ARL13B: variants seen among roughly 807,000 people sequenced by gnomAD.
ARL13B encodes the protein ARF like GTPase 13B.
Under a neutral mutation model 56.1 loss-of-function variants are expected in ARL13B, and 36 were observed. The observed-to-expected ratio is 0.64, with a 90% confidence interval of 0.49 to 0.85. The LOEUF (loss-of-function observed/expected upper bound fraction) is 0.85, where lower values mean the gene tolerates loss of function less well. Among genes scored for constraint, ARL13B ranks in the 40% least tolerant of loss-of-function variants. ARL13B has a pLI of 0.00. For missense variants in ARL13B, 519 were observed against 507.1 expected (o/e 1.02, Z -0.23); for synonymous variants, 178 against 171.1 (o/e 1.04, Z -0.32).
At chr3:94,044,775 G>A (rs1426198186) in intron 7 of ARL13B, among the ~76,000 whole-genome samples, 1 of 148,958 alleles carries the variant, frequency 6.7e-6, no homozygotes, top group Non-Finnish European at 1.5e-5. Context: ...GCCCCGAATG[G>A]GAAGTGAGGA....
At chr3:94,013,879 G>T (rs2076271749) in intron 3 of ARL13B, among the ~76,000 whole-genome samples, 1 of 152,180 alleles carries the variant, frequency 6.6e-6, no homozygotes, top group Non-Finnish European at 1.5e-5. Context: ...ACTGGGAGGT[G>T]GAGATTGCAG....
chr3:94,004,297 G>A (rs2076098657), intron 3 of ARL13B, among the ~76,000 whole-genome samples: 1 of 151,924 alleles, frequency 6.6e-6, no homozygotes, highest in Non-Finnish European at 1.5e-5. Flanking sequence ...TTATTTCAGA[G>A]TTATGTAAAC....
chr3:94,043,162 C>G lies in ARL13B; in HGVS notation c.946C>G (p.Leu316Val). 1 of 1,613,172 alleles carries G rather than the reference C, an allele frequency of 6.2e-7. No individual in the cohort carries two copies. Among genetic ancestry groups the G allele is most frequent in the South Asian group, 1.1e-5 (1 of 90,992 alleles). ...TGGCCAAAAAAATAATGAATTTGGA[C>G]TAGTAGAAAATTATAAGGAGGCATT... ...HNGQKNNEFG[L>V]VENYKEALTQ... The change falls in exon 7 of 10, where the codon CTA becomes GTA. Residue 316 changes from leucine to valine, a missense_variant. Transcript: ENST00000394222.
chr3:94,050,345 G>C (rs1189358575), intron 8 of ARL13B, among the ~76,000 whole-genome samples: 1 of 152,004 alleles, frequency 6.6e-6, no homozygotes, highest in Admixed American at 6.6e-5. Context: ...ATAATTTTGA[G>C]TAACTTTTCA....
At chr3:94,045,307 G>A (rs189668970) in intron 7 of ARL13B, among the ~76,000 whole-genome samples, 144 of 152,148 alleles carry the variant, frequency 9.5e-4, no homozygotes, top group Admixed American at 5.9e-3. Context: ...CAAACACTGC[G>A]GAAGGCTGCA....
At chr3:94,025,403 GTGTT>G (rs1407517453) in intron 3 of ARL13B, among the ~76,000 whole-genome samples, 15 of 152,138 alleles carry the variant, frequency 9.9e-5, no homozygotes, top group African/African-American at 3.6e-4. Context: ...AGGTTATACT[GTGTT>G]TGTCTTGGTT....
At position 94,055,140 on chromosome 3, in the gene ARL13B, G is replaced by A; in HGVS notation, c.*1877G>A. On this transcript the variant is annotated 3_prime_UTR_variant, in exon 10 of 10. Coordinates refer to ENST00000394222, the MANE Select transcript of ARL13B (RefSeq NM_001174150.2). ...TCAAAAATTAATTTTTATTCCTTAA[G>A]CATTTTAAAAACATTTTAAAAAATG... is the stretch of plus-strand genomic sequence containing the variant. 1 of 363,892 alleles carries A rather than the reference G, an allele frequency of 2.7e-6. No homozygotes were observed. The highest frequency in any genetic ancestry group is 5.3e-6 in the Non-Finnish European group (1 of 189,338). The allele number at this position is 363,892 out of a possible 1,614,324, so 22.5% of individuals were successfully genotyped here.
intron 1 of ARL13B, among the ~76,000 whole-genome samples, chr3:93,984,855 A>G (rs951624708): frequency 6.6e-6 from 1 of 152,102 alleles, no homozygotes; most frequent in African/African-American, 2.4e-5. Flanking sequence ...AAAATGTTTT[A>G]AAAAATTAGC....
At chr3:94,045,026 G>T (rs1457541256) in intron 7 of ARL13B, among the ~76,000 whole-genome samples, 1 of 152,206 alleles carries the variant, frequency 6.6e-6, no homozygotes, top group Non-Finnish European at 1.5e-5. Context: ...GTGGGGAAAA[G>T]AAAGAGAGAT....
chr3:94,027,186 T>A (rs2076574931), intron 3 of ARL13B, among the ~76,000 whole-genome samples: 1 of 152,056 alleles, frequency 6.6e-6, no homozygotes. Flanking sequence ...CTTTTGTATA[T>A]GAAGTCAACT....
At chr3:94,012,820 C>T (rs1375662216) in intron 3 of ARL13B, among the ~76,000 whole-genome samples, 1 of 152,102 alleles carries the variant, frequency 6.6e-6, no homozygotes, top group Non-Finnish European at 1.5e-5. Context: ...TTTTCTATAC[C>T]TATGTGCTTG....
At chr3:94,051,902 T>G (rs2077073041) in intron 9 of ARL13B, among the ~76,000 whole-genome samples, 1 of 152,042 alleles carries the variant, frequency 6.6e-6, no homozygotes, top group Non-Finnish European at 1.5e-5. Context: ...TTGATAATCG[T>G]TAGTGAAAAT....
chr3:94,023,804 A>G (rs1250123273), intron 3 of ARL13B, among the ~76,000 whole-genome samples: 1 of 152,168 alleles, frequency 6.6e-6, no homozygotes, highest in Admixed American at 6.5e-5. Flanking sequence ...TGTTACTAAT[A>G]TACATACTAT....
rs199505618 is a variant in ARL13B, at chr3:93,980,374, C to G, written c.-50C>G. ...AGGCCCCCGGGGAAGAGCGGGGTGCCGGTGTCCGCTCCGGGCTCGGATGGG... is the reference window on the plus strand; with the variant it reads ...AGGCCCCCGGGGAAGAGCGGGGTGCGGGTGTCCGCTCCGGGCTCGGATGGG... On this transcript the variant is annotated 5_prime_UTR_variant, in exon 1 of 10. Transcript: ENST00000394222. The G allele has an allele frequency of 6.2e-7, 1 of 1,604,616 alleles. No homozygotes were observed. The highest frequency in any genetic ancestry group is 1.1e-5 in the South Asian group (1 of 91,016).
chr3:93,990,572 G>C (rs528302327), intron 1 of ARL13B, among the ~76,000 whole-genome samples: 2 of 152,218 alleles, frequency 1.3e-5, no homozygotes, highest in East Asian at 3.9e-4. Flanking sequence ...TTCCACCGTG[G>C]TGTCATGTTG....
chr3:93,998,356 A>G (rs976009040), intron 2 of ARL13B, among the ~76,000 whole-genome samples: 6 of 152,088 alleles, frequency 3.9e-5, no homozygotes, highest in African/African-American at 1.2e-4. Context: ...TTCCACCTCC[A>G]TATATTCATA....
intron 1 of ARL13B, among the ~76,000 whole-genome samples, chr3:93,982,873 T>C (rs1710285833): frequency 6.6e-6 from 1 of 152,206 alleles, no homozygotes; most frequent in African/African-American, 2.4e-5. Flanking sequence ...AGTAGTTCCA[T>C]TTATTTTACT....
At chr3:94,033,183 G>A (rs1007059336) in intron 3 of ARL13B, among the ~76,000 whole-genome samples, 1 of 152,188 alleles carries the variant, frequency 6.6e-6, no homozygotes, top group African/African-American at 2.4e-5. Context: ...TTGACATGGA[G>A]TGTGGATTAA....
intron 1 of ARL13B, among the ~76,000 whole-genome samples, chr3:93,981,630 C>G (rs181737918): frequency 6.6e-6 from 1 of 151,868 alleles, no homozygotes; most frequent in Admixed American, 6.6e-5. Context: ...GCCTGTAATC[C>G]CAGCACTTTG....
Sources: allele counts gnomAD v4.1 joint callset (sites outside exome capture counted in the v4.1 genomes callset), GRCh38; gene constraint gnomAD v4.1.1; transcripts MANE v1.5; gene names NCBI Gene and HGNC (gene_info 2026-07-23, HGNC 2026-07-21).